SUCLG2: variants seen among roughly 807,000 people sequenced by gnomAD.
The protein encoded by SUCLG2 is succinate-CoA ligase GDP-forming subunit beta.
A neutral mutation model predicts 47.9 loss-of-function variants in SUCLG2; 42 were observed. The ratio of observed to expected loss-of-function variants is 0.88; its 90% CI spans 0.69 to 1.14. The LOEUF is 1.14. Among genes scored for constraint, SUCLG2 ranks in the 50% most tolerant of loss-of-function variants. The probability of loss-of-function intolerance (pLI) is 0.00; values close to 1 mark genes in which losing one functional copy is unlikely to be tolerated. For synonymous variants in SUCLG2, 195 were observed against 197.3 expected (o/e 0.99, Z 0.10); for missense variants, 571 against 525.9 (o/e 1.09, Z -0.84).
intron 9 of SUCLG2, among the ~76,000 whole-genome samples, chr3:67,410,850 CT>C (rs1173950702): frequency 6.6e-6 from 1 of 152,142 alleles, no homozygotes; most frequent in East Asian, 1.9e-4. Flanking sequence ...CAGATAATTG[CT>C]TTCAAAGCAG....
chr3:67,388,436 C>G (rs4856859), intron 10 of SUCLG2, among the ~76,000 whole-genome samples: 11,529 of 152,252 alleles, frequency 0.076, 480 homozygotes, highest in Admixed American at 0.12. Context: ...CAACATGAAA[C>G]TACCAGGGAT....
Position 67,443,364 on chromosome 3 carries a change from A to G in SUCLG2, c.1063-42513T>C, listed in dbSNP as rs1424617049. Among the ~76,000 whole-genome samples, 2 of 64,830 alleles carry G rather than the reference A, an allele frequency of 3.1e-5. 1 individual carries two copies. 42.5% of individuals were successfully genotyped at this position (64,830 alleles called of 152,430 possible). A position where few individuals can be genotyped will look rare whatever the true frequency, so the allele number is the denominator to read the frequency against. On this transcript the variant is annotated intron_variant, in intron 9 of 10. Transcript: ENST00000307227. ...GCCGCGCCGGCGAGCGCCCCTCGGG[A>G]GGCAGCGGCTGGAGGAGCGGACGGG...
chr3:67,461,861 G>A (rs867294587), intron 9 of SUCLG2, among the ~76,000 whole-genome samples: 11 of 152,150 alleles, frequency 7.2e-5, no homozygotes, highest in Non-Finnish European at 7.4e-5. Flanking sequence ...GGGATAACAG[G>A]CAGGCAAAGT....
At chr3:67,493,128 G>A (rs538666091) in intron 9 of SUCLG2, among the ~76,000 whole-genome samples, 1 of 152,284 alleles carries the variant, frequency 6.6e-6, no homozygotes, top group South Asian at 2.1e-4. Flanking sequence ...CTTTTGGGCA[G>A]GTGGACACGA....
At chr3:67,626,783 G>A (rs9860272) in intron 1 of SUCLG2, among the ~76,000 whole-genome samples, 53 of 151,808 alleles carry the variant, frequency 3.5e-4, no homozygotes, top group African/African-American at 9.9e-4. Flanking sequence ...GCGTGGTGGC[G>A]GGCACCTGTA....
chr3:67,598,408 A>G (rs1225376661), intron 2 of SUCLG2, among the ~76,000 whole-genome samples: 1 of 152,218 alleles, frequency 6.6e-6, no homozygotes, highest in African/African-American at 2.4e-5. Flanking sequence ...CTTTGAGAGT[A>G]AAAGGGATTT....
At chr3:67,637,592 T>G (rs1195985688) in intron 1 of SUCLG2, among the ~76,000 whole-genome samples, 2 of 152,232 alleles carry the variant, frequency 1.3e-5, no homozygotes, top group East Asian at 3.8e-4. Context: ...AGGGTTTATA[T>G]AAATACACTA....
At chr3:67,541,061 T>A (rs2107174314) in intron 2 of SUCLG2, among the ~76,000 whole-genome samples, 1 of 152,108 alleles carries the variant, frequency 6.6e-6, no homozygotes, top group East Asian at 1.9e-4. Flanking sequence ...GTGACCAACA[T>A]CAAAGACCAA....
At chr3:67,568,319 A>C (rs1258339814) in intron 2 of SUCLG2, among the ~76,000 whole-genome samples, 1 of 152,220 alleles carries the variant, frequency 6.6e-6, no homozygotes, top group Non-Finnish European at 1.5e-5. Flanking sequence ...AGCATCGAAT[A>C]GATTTTAAAG....
chr3:67,531,738 C>A (rs1706409487), intron 2 of SUCLG2, among the ~76,000 whole-genome samples: 1 of 152,112 alleles, frequency 6.6e-6, no homozygotes, highest in Non-Finnish European at 1.5e-5. Flanking sequence ...AGTAAGTCAG[C>A]AAGTCAGCAG....
intron 9 of SUCLG2, among the ~76,000 whole-genome samples, chr3:67,447,705 TTTTA>T (rs1428255447): frequency 2.0e-5 from 3 of 152,222 alleles, no homozygotes; most frequent in Non-Finnish European, 2.9e-5. Context: ...ATTTGTCCCA[TTTTA>T]TTTATTTATT....
Position 67,528,648 on chromosome 3 carries a change from T to C in SUCLG2, c.327-426A>G, listed in dbSNP as rs1706318088. 2.0e-5 allele frequency among the ~76,000 whole-genome samples: 3 copies of C among 151,954 alleles called. 1 individual carries two copies. The highest frequency in any genetic ancestry group is 4.2e-4 in the South Asian group (2 of 4,818). On this transcript the variant is annotated intron_variant, in intron 3 of 10. Coordinates refer to ENST00000307227, the MANE Select transcript of SUCLG2 (RefSeq NM_003848.4). ...GACAGGAACAGGGAGGAGAGGAAAG[T>C]GTTCAGTGCTAGGAGATGCAGGAGA...
chr3:67,391,071 C>A (rs1405135200), intron 10 of SUCLG2, among the ~76,000 whole-genome samples: 1 of 152,132 alleles, frequency 6.6e-6, no homozygotes, highest in Non-Finnish European at 1.5e-5. Flanking sequence ...ATTTTATTTT[C>A]CACCCAATAC....
In SUCLG2 at chr3:67,470,209, T is replaced by C. The variant is rs1248229498; in HGVS notation, c.1062+25589A>G. On this transcript the variant is annotated intron_variant, in intron 9 of 10. Transcript: ENST00000307227. ...AAACTAAAAAAAATGTAAAAAAGAA[T>C]GACACAGTTCAAATGAGAAACTTAA... Among the ~76,000 whole-genome samples, 4 of 152,182 alleles carry C rather than the reference T, an allele frequency of 2.6e-5. No homozygotes were observed. The East Asian group carries it at 5.8e-4, about 22-fold the overall frequency.
At chr3:67,481,486 A>G (rs1704914741) in intron 9 of SUCLG2, among the ~76,000 whole-genome samples, 1 of 152,236 alleles carries the variant, frequency 6.6e-6, no homozygotes, top group South Asian at 2.1e-4. Flanking sequence ...ACTTTAGACC[A>G]GGGCTTTTCA....
chr3:67,369,097 T>C (rs1003918159), intron 10 of SUCLG2, among the ~76,000 whole-genome samples: 1 of 152,180 alleles, frequency 6.6e-6, no homozygotes, highest in Non-Finnish European at 1.5e-5. Context: ...TGGTCAGTTC[T>C]TGAATATTGT....
At chr3:67,643,686 T>C (rs1701142414) in intron 1 of SUCLG2, among the ~76,000 whole-genome samples, 1 of 152,188 alleles carries the variant, frequency 6.6e-6, no homozygotes, top group African/African-American at 2.4e-5. Context: ...CTCCAACAAA[T>C]GAGACTGTAG....
At chr3:67,512,465 A>G (rs1048079636) in intron 6 of SUCLG2, among the ~76,000 whole-genome samples, 3 of 150,918 alleles carry the variant, frequency 2.0e-5, no homozygotes, top group Non-Finnish European at 4.4e-5. Flanking sequence ...CACTGTAGTG[A>G]TACAACCTCT....
intron 10 of SUCLG2, among the ~76,000 whole-genome samples, chr3:67,394,289 A>C (rs1253553158): frequency 6.6e-6 from 1 of 151,994 alleles, no homozygotes; most frequent in East Asian, 1.9e-4. Context: ...ATTTAGATGA[A>C]TGTATAACTA....
Sources: allele counts gnomAD v4.1 joint callset (sites outside exome capture counted in the v4.1 genomes callset), GRCh38; gene constraint gnomAD v4.1.1; transcripts MANE v1.5; gene names NCBI Gene and HGNC (gene_info 2026-07-23, HGNC 2026-07-21).